The following OTULIN variants were observed in gnomAD, a reference collection of about 807,000 sequenced individuals.
OTULIN encodes the protein OTU deubiquitinase with linear linkage specificity.
A neutral mutation model predicts 39.6 loss-of-function variants in OTULIN; 15 were observed. The observed-to-expected ratio is 0.38, with a 90% CI of 0.25 to 0.58. The LOEUF is 0.58. Ranked by LOEUF, OTULIN falls within the 20% of genes least tolerant of loss-of-function variation. The probability of loss-of-function intolerance (pLI) is 0.66; values close to 1 mark genes in which losing one functional copy is unlikely to be tolerated. For missense variants in OTULIN, 319 were observed against 445.9 expected, an observed-to-expected ratio of 0.72 and a Z score of 2.56; for synonymous variants, 156 against 170.3, an observed-to-expected ratio of 0.92 and a Z score of 0.65.
At chr5:14,705,768 G>A in the OTULIN span, 4 of 152,824 alleles carry the variant, frequency 2.6e-5, no homozygotes, top group African/African-American at 9.6e-5. Context: ...GGGGTGCTGG[G>A]TGATTGGTGT....
chr5:14,676,405 A>G (rs1057210962), intron 2 of OTULIN, among the ~76,000 whole-genome samples: 1 of 152,214 alleles, frequency 6.6e-6, no homozygotes, highest in Non-Finnish European at 1.5e-5. Context: ...GGTACCTGGC[A>G]TGTAGTAGCC....
the OTULIN span, chr5:14,704,993 G>A: frequency 1.3e-5 from 2 of 152,056 alleles, no homozygotes; most frequent in African/African-American, 2.4e-5. Flanking sequence ...TATACTGACC[G>A]CTGTAGTCAA....
intron 1 of OTULIN, among the ~76,000 whole-genome samples, chr5:14,667,082 A>C (rs1560989834): frequency 6.6e-6 from 1 of 152,208 alleles, no homozygotes. Flanking sequence ...TAAAATGTTT[A>C]CACTTAGAAG....
intron 4 of OTULIN, 21 bp from the exon 5 acceptor site, chr5:14,687,500 C>G (rs957337910): frequency 6.2e-6 from 10 of 1,607,246 alleles, no homozygotes; most frequent in Middle Eastern, 1.7e-4. Flanking sequence ...TTCTTTATCT[C>G]TTTGTTTCTC....
At chr5:14,700,004 T>TTA (rs1176339225), downstream of OTULIN, among the ~76,000 whole-genome samples, 11 of 152,248 alleles carry the variant, frequency 7.2e-5, no homozygotes, top group African/African-American at 2.7e-4. Flanking sequence ...CCTTAGGCTC[T>TTA]TACAACACTG....
chr5:14,672,422 A>G (rs1183370984), intron 1 of OTULIN, among the ~76,000 whole-genome samples: 1 of 151,906 alleles, frequency 6.6e-6, no homozygotes, highest in African/African-American at 2.4e-5. Context: ...TCTTTCCCCC[A>G]GCTGTACTAG....
chr5:14,665,164 G>C (rs1192159297), intron 1 of OTULIN, among the ~76,000 whole-genome samples, 187 bp downstream of exon 1: 5 of 152,220 alleles, frequency 3.3e-5, no homozygotes, highest in African/African-American at 1.2e-4. Context: ...TTTAACCCCA[G>C]GGCCCCTCAC....
intron 1 of OTULIN, among the ~76,000 whole-genome samples, chr5:14,668,278 T>G (rs995499004): frequency 1.3e-5 from 2 of 152,206 alleles, no homozygotes; most frequent in Non-Finnish European, 2.9e-5. Context: ...GAGCCTGCTT[T>G]GAGGCCCAGA....
At chr5:14,682,805 C>T (rs958288676) in intron 4 of OTULIN, among the ~76,000 whole-genome samples, 2 of 152,142 alleles carry the variant, frequency 1.3e-5, no homozygotes, top group Non-Finnish European at 2.9e-5. Flanking sequence ...AAGAATTAGG[C>T]AGTGACAGCC....
At chr5:14,678,851 T>A (rs1579966805) in intron 3 of OTULIN, 76 bp downstream of exon 3, 1 of 966,380 alleles carries the variant, frequency 1.0e-6, no homozygotes, top group East Asian at 2.6e-5. Flanking sequence ...CATTTGATAT[T>A]TTTAGACATT....
the OTULIN span, chr5:14,713,503 T>C: frequency 1.9e-6 from 3 of 1,612,588 alleles, no homozygotes; most frequent in East Asian, 4.5e-5. This position sits in a 1 kb window ranked among gnomAD's most constrained non-coding sequence, Gnocchi z 4.4. Context: ...AGTATTGAAG[T>C]GGCAGAAGGA....
intron 1 of OTULIN, among the ~76,000 whole-genome samples, chr5:14,669,491 G>A (rs1735929788): frequency 6.6e-6 from 1 of 152,108 alleles, no homozygotes; most frequent in African/African-American, 2.4e-5. Context: ...TAAAATTTAG[G>A]CTGAGCACGG....
At chr5:14,680,903 A>G (rs1736231507) in intron 3 of OTULIN, among the ~76,000 whole-genome samples, 1 of 152,210 alleles carries the variant, frequency 6.6e-6, no homozygotes, top group Admixed American at 6.5e-5. Flanking sequence ...TACTAAAAAT[A>G]CAAAAAATTA....
the OTULIN span, chr5:14,709,548 A>G: frequency 2.0e-5 from 3 of 152,214 alleles, no homozygotes; most frequent in African/African-American, 4.8e-5. Context: ...GTGAGGAACA[A>G]TATGATCACA....
intron 4 of OTULIN, among the ~76,000 whole-genome samples, chr5:14,685,875 A>T (rs761096139): frequency 6.7e-6 from 1 of 149,728 alleles, no homozygotes; most frequent in African/African-American, 2.4e-5. Flanking sequence ...ACTTGAGGGC[A>T]TGTGAGGTTC....
At chr5:14,681,150 C>G (rs79466655) in intron 3 of OTULIN, among the ~76,000 whole-genome samples, 4,444 of 152,240 alleles carry the variant, frequency 0.029, 94 homozygotes, top group Middle Eastern at 0.048. Context: ...CCCCCGCCCC[C>G]CTTTGTGTTT....
intron 4 of OTULIN, among the ~76,000 whole-genome samples, chr5:14,684,568 C>T (rs1241169751): frequency 2.6e-5 from 4 of 152,210 alleles, no homozygotes; most frequent in Admixed American, 2.6e-4. Context: ...GGCCCCACAG[C>T]CCTTCCCTTG....
At position 14,665,074 on chromosome 5, in the gene OTULIN, G is replaced by C. The variant is rs374275121; in HGVS notation, c.152+97G>C. 4.1e-6 allele frequency: 3 copies of C among 726,140 alleles called. No individual in the cohort carries two copies. In the Admixed American group the frequency reaches 1.9e-4, roughly 46 times the overall value. 45.0% of individuals were successfully genotyped at this position (726,140 alleles called of 1,614,324 possible). A position where few individuals can be genotyped will look rare whatever the true frequency, so the allele number is the denominator to read the frequency against. On this transcript the variant is annotated intron_variant, in intron 1 of 6. Coordinates refer to ENST00000284274, the MANE Select transcript of OTULIN (RefSeq NM_138348.6). ...TGGGGAGTCGTCAGCGGAGGGTCCT[G>C]GGCGTCTTCAATTCTGAGTGAGGCC...
In OTULIN at chr5:14,695,115, AATGTGTTTCTTTT is replaced by A. The variant is rs1204671001; in HGVS notation, c.*2072_*2084del. On this transcript the variant is annotated 3_prime_UTR_variant, in exon 7 of 7. Transcript: ENST00000284274. The stretch of plus-strand genomic sequence containing the variant: ...CTTGAATTGGATTTCTGGGTAAAAG[AATGTGTTTCTTTT>A]ATGTTGCTTATGTCCGAAGGCCTTG... 6.6e-6 allele frequency: 1 copy of A among 152,150 alleles called. No homozygotes were observed. Among genetic ancestry groups the A allele is most frequent in the African/African-American group, 2.4e-5 (1 of 41,426 alleles). 9.4% of individuals were successfully genotyped at this position (152,150 alleles called of 1,614,324 possible).
Sources: allele counts gnomAD v4.1 joint callset (sites outside exome capture counted in the v4.1 genomes callset), GRCh38; gene constraint gnomAD v4.1.1; non-coding constraint Gnocchi (gnomAD v3.1); transcripts MANE v1.5; gene names NCBI Gene and HGNC (gene_info 2026-07-23, HGNC 2026-07-21).